SNRK: variants seen among roughly 807,000 people sequenced by gnomAD.
The protein encoded by SNRK is SNF-related serine/threonine-protein kinase.
A neutral mutation model predicts 48.2 loss-of-function variants in SNRK; 3 were observed. The ratio of observed to expected loss-of-function variants is 0.06; its 90% CI spans 0.03 to 0.16. SNRK has a LOEUF of 0.16. SNRK is among the 10% of genes least tolerant of loss of function. The probability of loss-of-function intolerance (pLI) is 1.00; values close to 1 mark genes in which losing one functional copy is unlikely to be tolerated. For missense variants in SNRK, 627 were observed against 976.0 expected (o/e 0.64, Z 4.76); for synonymous variants, 376 against 366.1 (o/e 1.03, Z -0.31).
At chr3:43,293,523 A>G (rs1355167550) in intron 1 of SNRK, among the ~76,000 whole-genome samples, 1 of 152,216 alleles carries the variant, frequency 6.6e-6, no homozygotes, top group African/African-American at 2.4e-5. Flanking sequence ...AAAAGAACAG[A>G]AAAGCATAAA....
chr3:43,346,139 A>G (rs977163644), intron 6 of SNRK, among the ~76,000 whole-genome samples: 3 of 152,242 alleles, frequency 2.0e-5, no homozygotes, highest in Non-Finnish European at 4.4e-5. Flanking sequence ...AAGTTAACCC[A>G]TAAGCAGGAC....
chr3:43,304,383 A>G (rs1575536063), intron 3 of SNRK, among the ~76,000 whole-genome samples: 1 of 152,316 alleles, frequency 6.6e-6, no homozygotes, highest in East Asian at 1.9e-4. Context: ...TGTTCAGAAT[A>G]GGAAACTGAC....
chr3:43,300,753 A>G (rs1201142381), intron 2 of SNRK, among the ~76,000 whole-genome samples: 1 of 152,230 alleles, frequency 6.6e-6, no homozygotes, highest in Non-Finnish European at 1.5e-5. Context: ...TTCAGATGAC[A>G]GGGATAATAT....
At chr3:43,325,168 T>C (rs751536788) in intron 3 of SNRK, among the ~76,000 whole-genome samples, 1 of 152,206 alleles carries the variant, frequency 6.6e-6, no homozygotes, top group Non-Finnish European at 1.5e-5. Flanking sequence ...TTTTTGGTTT[T>C]GTTTTTTTTG....
At chr3:43,327,430 G>GC (rs1479542851) in intron 3 of SNRK, among the ~76,000 whole-genome samples, 1 of 152,104 alleles carries the variant, frequency 6.6e-6, no homozygotes, top group Non-Finnish European at 1.5e-5. Flanking sequence ...TGTAAAAGGT[G>GC]CCCCTATTTT....
intron 1 of SNRK, among the ~76,000 whole-genome samples, chr3:43,295,851 G>A (rs1180787786): frequency 3.9e-5 from 6 of 152,138 alleles, no homozygotes; most frequent in Admixed American, 6.5e-5. Context: ...CGATTCTCCT[G>A]CCTCAGCCTT....
intron 4 of SNRK, among the ~76,000 whole-genome samples, chr3:43,333,555 TG>T (rs2091164520): frequency 6.6e-6 from 1 of 152,012 alleles, no homozygotes; most frequent in Non-Finnish European, 1.5e-5. Flanking sequence ...ATATTGATGA[TG>T]ATTATTTTTA....
At chr3:43,294,401 A>G (rs1251726248) in intron 1 of SNRK, among the ~76,000 whole-genome samples, 1 of 152,226 alleles carries the variant, frequency 6.6e-6, no homozygotes, top group Non-Finnish European at 1.5e-5. Context: ...AGGTAATTTT[A>G]TACCCCATTT....
intron 3 of SNRK, among the ~76,000 whole-genome samples, chr3:43,322,378 A>G (rs2091059993): frequency 6.6e-6 from 1 of 152,264 alleles, no homozygotes; most frequent in African/African-American, 2.4e-5. Flanking sequence ...GTCATAAGAA[A>G]AAGGGTAGTA....
chr3:43,309,011 T>C (rs1400222432), intron 3 of SNRK, among the ~76,000 whole-genome samples: 1 of 152,144 alleles, frequency 6.6e-6, no homozygotes, highest in African/African-American at 2.4e-5. Context: ...GTTCACAGTT[T>C]GTGGAGGAAA....
At chr3:43,343,968 T>A (rs1364853485) in intron 6 of SNRK, among the ~76,000 whole-genome samples, 1 of 152,178 alleles carries the variant, frequency 6.6e-6, no homozygotes, top group African/African-American at 2.4e-5. Flanking sequence ...ATTTCTTAGC[T>A]GCTTGACCTT....
chr3:43,311,158 C>A (rs374511620), intron 3 of SNRK, among the ~76,000 whole-genome samples: 1 of 152,180 alleles, frequency 6.6e-6, no homozygotes, highest in African/African-American at 2.4e-5. Flanking sequence ...TAGAGAGGAA[C>A]ATCCTCAACT....
intron 3 of SNRK, among the ~76,000 whole-genome samples, chr3:43,318,245 T>C (rs1372419255): frequency 6.6e-6 from 1 of 152,218 alleles, no homozygotes; most frequent in Non-Finnish European, 1.5e-5. Flanking sequence ...TCCTGTGGTT[T>C]TCTCACATGT....
intron 3 of SNRK, among the ~76,000 whole-genome samples, chr3:43,312,151 A>G (rs988196415): frequency 8.5e-5 from 13 of 152,326 alleles, no homozygotes; most frequent in Admixed American, 7.2e-4. Flanking sequence ...GACTATTTCA[A>G]AGATGAAATA....
intron 1 of SNRK, among the ~76,000 whole-genome samples, chr3:43,289,954 A>G (rs146814407): frequency 1.3e-5 from 2 of 152,330 alleles, no homozygotes; most frequent in African/African-American, 4.8e-5. Flanking sequence ...CCAAAGCAAG[A>G]TTAGGTCTAT....
chr3:43,307,387 G>A (rs1000951429), intron 3 of SNRK, among the ~76,000 whole-genome samples: 1 of 145,030 alleles, frequency 6.9e-6, no homozygotes, highest in Admixed American at 6.7e-5. Flanking sequence ...CAGATCTTGC[G>A]GTTTTTTTGT....
At chr3:43,339,850 T>C (rs1575559239) in intron 4 of SNRK, among the ~76,000 whole-genome samples, 4 of 78,438 alleles carry the variant, frequency 5.1e-5, no homozygotes, top group Admixed American at 1.3e-4. Context: ...TATATATATA[T>C]ATATATATAT....
rs915281472 is a variant in SNRK at position 43,348,176 on chromosome 3, T to G, written c.1917T>G (p.Ser639Arg). The G allele has an allele frequency of 1.3e-6, 2 of 1,597,400 alleles. No homozygotes were observed. Among genetic ancestry groups the G allele is most frequent in the African/African-American group, 1.3e-5 (1 of 74,630 alleles). The change falls in exon 7 of 7, where the codon AGT becomes AGG. Residue 639 changes from serine (S) to arginine (R), a missense_variant. Ser to Arg is a moderately radical substitution (Grantham distance 110). This residue lies in a region of SNRK where 207 missense variants were observed against 234.3 expected (regional missense o/e 0.88). Coordinates refer to ENST00000296088, the MANE Select transcript of SNRK (RefSeq NM_017719.5). ...ACTCCATGCAGCTGGCCTCTCGCAG[T>G]GCTGGGGAGCTCGTTGAGAGCCTCA... ...PSNSMQLASR[S>R]AGELVESLKL...
At position 43,332,285 on chromosome 3, in the gene SNRK, T is replaced by A. The variant is rs571878326; in HGVS notation, c.706T>A (p.Ser236Thr). Residue 236 changes from serine (S) to threonine (T), a missense_variant, in exon 4 of 7, where the codon TCC becomes ACC. Around this residue, in one of 4 missense-constraint regions of SNRK, gnomAD observed 147 missense variants for 356.8 expected, o/e 0.41. Transcript: ENST00000296088. ...CATGGATTGCAAATATACAGTACCA[T>A]CCCATGTGTCTAAAGAGTGTAAAGA... is the stretch of plus-strand genomic sequence containing the variant. Reference protein sequence around the residue: ...MIMDCKYTVPSHVSKECKDLI... With the variant: ...MIMDCKYTVPTHVSKECKDLI... 3.2e-6 allele frequency: 5 copies of A among 1,564,092 alleles called. No individual in the cohort carries two copies. In the Admixed American group the frequency reaches 5.6e-5, roughly 18 times the overall value.
Sources: allele counts gnomAD v4.1 joint callset (sites outside exome capture counted in the v4.1 genomes callset), GRCh38; gene constraint gnomAD v4.1.1; regional missense constraint gnomAD v4.1.1; transcripts MANE v1.5; gene names NCBI Gene and HGNC (gene_info 2026-07-23, HGNC 2026-07-21).